Variants in SUGCT observed in about 807,000 individuals in gnomAD.
SUGCT encodes succinyl-CoA:glutarate-CoA transferase.
SUGCT carries 41 observed loss-of-function variants against 55.0 expected under a neutral mutation model. That is an observed-to-expected ratio of 0.74 (90% CI 0.58 to 0.97). The LOEUF (loss-of-function observed/expected upper bound fraction) is 0.97, where lower values mean the gene tolerates loss of function less well. Among genes scored for constraint, SUGCT ranks in the 50% least tolerant of loss-of-function variants. The pLI is 0.00. For synonymous variants in SUGCT, 187 were observed against 200.4 expected (o/e 0.93, Z 0.56); for missense variants, 568 against 547.8 (o/e 1.04, Z -0.37).
At chr7:40,858,403 C>CAAAAAAAAAAAAAAAAAAA (rs58628576) in intron 13 of SUGCT, among the ~76,000 whole-genome samples, 2 of 34,752 alleles carry the variant, frequency 5.8e-5, no homozygotes, top group Admixed American at 3.5e-4. Flanking sequence ...AATTCCATCT[C>CAAAAAAAAAAAAAAAAAAA]AAAAAAAAAA....
intron 13 of SUGCT, among the ~76,000 whole-genome samples, chr7:40,856,948 A>T: frequency 6.6e-6 from 1 of 152,244 alleles, no homozygotes; most frequent in South Asian, 2.1e-4. Flanking sequence ...TTCTTAGATT[A>T]TTACTAATAT....
Position 40,745,136 on chromosome 7 carries a change from A to T in SUGCT, c.1090-4298A>T, listed in dbSNP as rs1393412580. On this transcript the variant is annotated intron_variant, in intron 12 of 13. Transcript: ENST00000335693. ...GAATGAATAGGTCATATCATTATCC[A>T]CAGTGAATAGATAGGTCAGTTCTCT... 7.9e-5 allele frequency among the ~76,000 whole-genome samples: 12 copies of T among 152,198 alleles called. No individual in the cohort carries two copies. In the East Asian group the frequency reaches 2.3e-3, roughly 29 times the overall value.
At chr7:40,353,823 CACTT>C (rs1001386945) in intron 9 of SUGCT, among the ~76,000 whole-genome samples, 1 of 152,058 alleles carries the variant, frequency 6.6e-6, no homozygotes, top group Non-Finnish European at 1.5e-5. Flanking sequence ...TTCCACTTGT[CACTT>C]ACTTCTGATA....
At chr7:40,284,533 G>A (rs1477171083) in intron 8 of SUGCT, among the ~76,000 whole-genome samples, 14 of 151,236 alleles carry the variant, frequency 9.3e-5, no homozygotes, top group African/African-American at 2.4e-4. Context: ...GCTTGAACCC[G>A]GGAGACAGCA....
At chr7:40,702,077 C>G (rs1785192909) in intron 12 of SUGCT, among the ~76,000 whole-genome samples, 1 of 152,190 alleles carries the variant, frequency 6.6e-6, no homozygotes, top group South Asian at 2.1e-4. Flanking sequence ...TTTCTGTAAG[C>G]CCCGCCAAAG....
chr7:40,759,117 A>G (rs1788407605), intron 13 of SUGCT, among the ~76,000 whole-genome samples: 1 of 152,232 alleles, frequency 6.6e-6, no homozygotes, highest in African/African-American at 2.4e-5. Context: ...GTAGACTTAA[A>G]GAATATCTGC....
At chr7:40,961,848 G>A in the SUGCT span, among the ~76,000 whole-genome samples, 3 of 152,174 alleles carry the variant, frequency 2.0e-5, no homozygotes, top group South Asian at 6.2e-4. Context: ...TCCTCCCGGT[G>A]GGTTCATGGT....
the SUGCT span, chr7:40,965,433 A>G: frequency 2.0e-5 from 3 of 152,028 alleles, no homozygotes; most frequent in South Asian, 6.2e-4. Context: ...TTTTAGTCTT[A>G]CCTTCGTCAA....
At chr7:40,531,510 A>G (rs574779371) in intron 12 of SUGCT, among the ~76,000 whole-genome samples, 85 of 152,072 alleles carry the variant, frequency 5.6e-4, no homozygotes, top group Non-Finnish European at 9.7e-4. Flanking sequence ...ATTGCCTAAT[A>G]GTAGAGAACA....
chr7:40,248,706 G>A (rs1178039119), intron 7 of SUGCT, among the ~76,000 whole-genome samples: 1 of 152,118 alleles, frequency 6.6e-6, no homozygotes, highest in African/African-American at 2.4e-5. Context: ...ATCCCTAGAA[G>A]GAGGCTCTGG....
the SUGCT span, among the ~76,000 whole-genome samples, chr7:41,018,992 G>A: frequency 2.0e-5 from 3 of 150,066 alleles, no homozygotes; most frequent in Non-Finnish European, 1.5e-5. Flanking sequence ...TGCAACCTCT[G>A]CCTCCCGGGT....
chr7:40,530,200 A>G (rs1414933611), intron 12 of SUGCT, among the ~76,000 whole-genome samples: 1 of 152,094 alleles, frequency 6.6e-6, no homozygotes, highest in Non-Finnish European at 1.5e-5. Flanking sequence ...TTTTATTACT[A>G]TTTTTTGTTC....
intron 13 of SUGCT, among the ~76,000 whole-genome samples, chr7:40,811,939 T>C (rs1429143451): frequency 2.0e-5 from 3 of 152,122 alleles, no homozygotes; most frequent in Admixed American, 1.3e-4. Flanking sequence ...TGTATGTTCA[T>C]TCAATGCCAA....
chr7:40,136,849 T>G (rs1306219829), intron 1 of SUGCT, among the ~76,000 whole-genome samples: 1 of 152,050 alleles, frequency 6.6e-6, no homozygotes, highest in South Asian at 2.1e-4. Context: ...CAAAAAAAAT[T>G]AGCCGGGCTT....
chr7:40,595,704 C>T (rs1797980295), intron 12 of SUGCT, among the ~76,000 whole-genome samples: 1 of 151,430 alleles, frequency 6.6e-6, no homozygotes, highest in Non-Finnish European at 1.5e-5. Context: ...AGTTACACCA[C>T]TCCCATCTTC....
the SUGCT span, among the ~76,000 whole-genome samples, chr7:40,971,542 A>G: frequency 2.6e-5 from 4 of 152,222 alleles, no homozygotes; most frequent in Non-Finnish European, 4.4e-5. Context: ...GAGGTTAGTC[A>G]GTGATTGAGG....
intron 13 of SUGCT, among the ~76,000 whole-genome samples, chr7:40,781,363 C>T (rs1789738102): frequency 6.6e-6 from 1 of 152,048 alleles, no homozygotes. Context: ...AGATAAGTAA[C>T]AATCGAATCT....
intron 9 of SUGCT, among the ~76,000 whole-genome samples, chr7:40,334,423 GACATTTTAA>G (rs1796556459): frequency 6.6e-6 from 1 of 152,118 alleles, no homozygotes; most frequent in Admixed American, 6.5e-5. Context: ...GTTGTTTCCT[GACATTTTAA>G]TGATCATCAT....
intron 1 of SUGCT, among the ~76,000 whole-genome samples, chr7:40,147,988 T>G (rs893634371): frequency 1.1e-4 from 16 of 152,256 alleles, no homozygotes; most frequent in African/African-American, 3.4e-4. Flanking sequence ...TTATCCCTGA[T>G]GCACATGGCC....
Sources: gnomAD v4.1 joint callset for allele counts (sites outside exome capture counted in the v4.1 genomes callset) on GRCh38, gnomAD v4.1.1 for gene constraint, MANE v1.5 for transcripts, NCBI Gene and HGNC (gene_info 2026-07-23, HGNC 2026-07-21) for gene names.